STMN2: variants seen among roughly 807,000 people sequenced by gnomAD.
The protein encoded by STMN2 is stathmin 2.
A neutral mutation model predicts 24.1 loss-of-function variants in STMN2; 2 were observed. The observed-to-expected ratio is 0.08, with a 90% confidence interval of 0.03 to 0.26. The LOEUF (loss-of-function observed/expected upper bound fraction) is 0.26. STMN2 is among the 10% of genes least tolerant of loss of function. The pLI is 1.00. For synonymous variants in STMN2, 83 were observed against 77.5 expected, an observed-to-expected ratio of 1.07 and a Z score of -0.37; for missense variants, 114 against 213.6, an observed-to-expected ratio of 0.53 and a Z score of 2.91.
At chr8:79,633,375 A>G (rs1809861289) in intron 1 of STMN2, among the ~76,000 whole-genome samples, 2 of 152,192 alleles carry the variant, frequency 1.3e-5, no homozygotes, top group Non-Finnish European at 2.9e-5. Flanking sequence ...AGGAATCACC[A>G]CCCACAGAGG....
intron 3 of STMN2, among the ~76,000 whole-genome samples, chr8:79,645,391 C>T (rs973692598): frequency 6.6e-6 from 1 of 152,020 alleles, no homozygotes; most frequent in Non-Finnish European, 1.5e-5. Flanking sequence ...TTTACGTTTA[C>T]AACTCATTTC....
chr8:79,659,661 A>G lies in STMN2; in HGVS notation c.480+4599A>G, dbSNP rs1025518400. Among the ~76,000 whole-genome samples the G allele has an allele frequency of 4.3e-4, 65 of 152,202 alleles. 1 individual carries two copies. Among genetic ancestry groups the G allele is most frequent in the Non-Finnish European group, 1.5e-4 (10 of 68,036 alleles). ...ACAACAATACATCTATTCACTAAAC[A>G]TATAATTTTAATGTCAAATATTTAC... On this transcript the variant is annotated intron_variant, in intron 4 of 4. Coordinates refer to ENST00000220876, the MANE Select transcript of STMN2 (RefSeq NM_007029.4).
At chr8:79,611,442 C>T (rs1349133368) in intron 1 of STMN2, among the ~76,000 whole-genome samples, 1 of 152,112 alleles carries the variant, frequency 6.6e-6, no homozygotes, top group Non-Finnish European at 1.5e-5. Context: ...GGGTAAGTTG[C>T]CCTCCTATGG....
intron 4 of STMN2, among the ~76,000 whole-genome samples, chr8:79,657,797 T>C (rs987830250): frequency 1.3e-5 from 2 of 152,262 alleles, no homozygotes; most frequent in African/African-American, 4.8e-5. Context: ...GTTTACATAT[T>C]GTGAATGTGT....
intron 1 of STMN2, among the ~76,000 whole-genome samples, chr8:79,625,887 A>G (rs1809641409): frequency 6.6e-6 from 1 of 152,164 alleles, no homozygotes; most frequent in Non-Finnish European, 1.5e-5. Flanking sequence ...TGAACCCAGG[A>G]GGTGGAGGTT....
Position 79,664,905 on chromosome 8 carries a change from T to C in STMN2, c.*31T>C, listed in dbSNP as rs1057013545. ...GGGAGGGTCTGGCACGCCCCACCAA[T>C]AGTAAATCCCCCTGCCTATATTATA... On this transcript the variant is annotated 3_prime_UTR_variant, in exon 5 of 5. Coordinates refer to ENST00000220876, the MANE Select transcript of STMN2 (RefSeq NM_007029.4). The C allele has an allele frequency of 1.2e-6, 2 of 1,605,350 alleles. No homozygotes were observed. Among genetic ancestry groups the C allele is most frequent in the African/African-American group, 2.7e-5 (2 of 74,036 alleles).
rs948777533 is a variant in STMN2 at position 79,663,647 on chromosome 8, A to G, written c.481-1168A>G. Reference sequence around the variant, plus strand: ...TCTCAATTTCTGGAGCTTCAGAGGGAAGGAGAGAAGCAATGTAAGCAACAT... The same window carrying G: ...TCTCAATTTCTGGAGCTTCAGAGGGGAGGAGAGAAGCAATGTAAGCAACAT... On this transcript the variant is annotated intron_variant, in intron 4 of 4. Transcript: ENST00000220876. The G allele has an allele frequency of 1.1e-4, 168 of 1,529,042 alleles. No individual in the cohort carries two copies. Among genetic ancestry groups the G allele is most frequent in the Non-Finnish European group, 1.4e-4 (157 of 1,144,314 alleles). The allele number at this position is 1,529,042 out of a possible 1,614,324, so 94.7% of individuals were successfully genotyped here. A position where few individuals can be genotyped will look rare whatever the true frequency, so the allele number is the denominator to read the frequency against.
At chr8:79,654,433 A>T (rs936933376) in intron 3 of STMN2, among the ~76,000 whole-genome samples, 1 of 152,140 alleles carries the variant, frequency 6.6e-6, no homozygotes, top group Non-Finnish European at 1.5e-5. Flanking sequence ...AGCTTATTGT[A>T]GGGCCTAGCC....
At chr8:79,656,506 C>T (rs1423313671) in intron 4 of STMN2, among the ~76,000 whole-genome samples, 3 of 152,208 alleles carry the variant, frequency 2.0e-5, no homozygotes, top group Non-Finnish European at 4.4e-5. Context: ...ACATGTTTTA[C>T]TCAGATACAG....
intron 1 of STMN2, among the ~76,000 whole-genome samples, chr8:79,624,819 T>G (rs7830561): frequency 0.14 from 20,999 of 152,266 alleles, 1,590 homozygotes; most frequent in Non-Finnish European, 0.16. Flanking sequence ...AGCTTTCCTT[T>G]ATCTTTCCTT....
intron 3 of STMN2, among the ~76,000 whole-genome samples, chr8:79,647,428 G>A (rs1810241710): frequency 6.6e-6 from 1 of 152,140 alleles, no homozygotes; most frequent in Non-Finnish European, 1.5e-5. Context: ...AGGCCTCTTT[G>A]TGGGACTTCA....
At chr8:79,613,445 G>GAGCT (rs1319911061) in intron 1 of STMN2, 1 of 985,348 alleles carries the variant, frequency 1.0e-6, no homozygotes, top group African/African-American at 1.7e-5. Context: ...GCAGTGTCCT[G>GAGCT]AGCTACCCCC....
At chr8:79,611,295 A>G (rs1429891296) in intron 1 of STMN2, 81 bp downstream of exon 1, 2 of 1,571,116 alleles carry the variant, frequency 1.3e-6, no homozygotes, top group Non-Finnish European at 1.7e-6. Context: ...AGAAGCATTC[A>G]GAGATATTTT....
intron 1 of STMN2, among the ~76,000 whole-genome samples, chr8:79,622,204 T>C (rs189410585): frequency 1.6e-4 from 24 of 152,308 alleles, no homozygotes; most frequent in African/African-American, 5.1e-4. Context: ...CATTTCTATA[T>C]TATAATTTTC....
Position 79,641,525 on chromosome 8 carries a change from T to C in STMN2, c.263T>C (p.Leu88Pro), listed in dbSNP as rs769356854. The C allele has an allele frequency of 6.2e-7, 1 of 1,613,402 alleles. No individual in the cohort carries two copies. Among genetic ancestry groups the C allele is most frequent in the Non-Finnish European group, 8.5e-7 (1 of 1,179,900 alleles). ...DLSLEEIQKK[L>P]EAAEERRKSQ... ...TCCCTGGAGGAGATCCAGAAGAAAC[T>C]GGAGGCTGCAGAGGAAAGAAGAAAG... is the stretch of plus-strand genomic sequence containing the variant. The change falls in exon 3 of 5, where the codon CTG becomes CCG. Residue 88 changes from leucine to proline, a missense_variant. Leu to Pro is a moderately conservative substitution (Grantham distance 98). Coordinates refer to ENST00000220876, the MANE Select transcript of STMN2 (RefSeq NM_007029.4).
chr8:79,628,667 C>T (rs1198129081), intron 1 of STMN2, among the ~76,000 whole-genome samples: 1 of 152,062 alleles, frequency 6.6e-6, no homozygotes, highest in African/African-American at 2.4e-5. Flanking sequence ...TGATCTTGTG[C>T]CTTTTTTCAT....
intron 1 of STMN2, among the ~76,000 whole-genome samples, chr8:79,636,099 C>T (rs1809945310): frequency 6.6e-6 from 1 of 151,986 alleles, no homozygotes; most frequent in Non-Finnish European, 1.5e-5. Flanking sequence ...CACCTGTAGT[C>T]CCAGCTAATG....
chr8:79,612,772 G>T (rs985668181), intron 1 of STMN2, among the ~76,000 whole-genome samples: 7 of 152,204 alleles, frequency 4.6e-5, no homozygotes, highest in Non-Finnish European at 1.0e-4. Context: ...GCGCGGCTCC[G>T]CCCTGCCCTA....
intron 1 of STMN2, among the ~76,000 whole-genome samples, chr8:79,632,762 G>A (rs961332551): frequency 6.6e-6 from 1 of 152,126 alleles, no homozygotes; most frequent in Non-Finnish European, 1.5e-5. Context: ...CAAAACTAAA[G>A]TGTCAAATAC....
Sources: allele counts gnomAD v4.1 joint callset (sites outside exome capture counted in the v4.1 genomes callset), GRCh38; gene constraint gnomAD v4.1.1; transcripts MANE v1.5; gene names NCBI Gene and HGNC (gene_info 2026-07-23, HGNC 2026-07-21).